RAD54L2: variants seen among roughly 807,000 people sequenced by gnomAD.
RAD54L2 encodes helicase ARIP4.
In RAD54L2, 27 loss-of-function variants were observed where a neutral mutation model predicts 138.4. That is an observed-to-expected ratio of 0.20 (90% CI 0.14 to 0.27). The LOEUF (loss-of-function observed/expected upper bound fraction) is 0.27. Ranked by LOEUF, RAD54L2 falls within the 10% of genes least tolerant of loss-of-function variation. The pLI is 1.00. For synonymous variants in RAD54L2, 644 were observed against 723.2 expected, an observed-to-expected ratio of 0.89 and a Z score of 1.76; for missense variants, 1,396 against 1,890.2, an observed-to-expected ratio of 0.74 and a Z score of 4.85.
intron 20 of RAD54L2, among the ~76,000 whole-genome samples, chr3:51,657,331 A>G (rs1377526500): frequency 6.6e-6 from 1 of 152,224 alleles, no homozygotes; most frequent in African/African-American, 2.4e-5. Context: ...CTAATTAAAT[A>G]AAGGGAAATT....
In RAD54L2 at chr3:51,662,514, G is replaced by A; in HGVS notation, c.3498G>A (p.Arg1166=). ...PKAPDPEGLA[R]PVSPDSPEII... ...CCCCCGACCCTGAGGGGCTGGCCAG[G>A]CCCGTCTCTCCTGACAGCCCAGAGA... The change falls in exon 23 of 23, where the codon AGG becomes AGA. Residue 1166 remains arginine, a synonymous_variant. Transcript: ENST00000684192. The surrounding 1 kb of genome is among the most constrained non-coding windows in gnomAD (Gnocchi z 4.6). 1 of 1,612,748 alleles carries A rather than the reference G, an allele frequency of 6.2e-7. No individual in the cohort carries two copies. Among genetic ancestry groups the A allele is most frequent in the Non-Finnish European group, 8.5e-7 (1 of 1,179,252 alleles).
chr3:51,560,741 A>G (rs1038788776), intron 2 of RAD54L2, among the ~76,000 whole-genome samples: 3 of 151,914 alleles, frequency 2.0e-5, no homozygotes, highest in Non-Finnish European at 4.4e-5. Flanking sequence ...CGCCTTCCAC[A>G]TTTCTTCCAG....
chr3:51,606,286 G>A (rs997679956), intron 3 of RAD54L2, among the ~76,000 whole-genome samples: 20 of 152,224 alleles, frequency 1.3e-4, no homozygotes, highest in African/African-American at 4.8e-4. Context: ...TGCATTGTGG[G>A]TTGGAGAGGA....
chr3:51,656,860 C>T (rs915944484), intron 20 of RAD54L2, among the ~76,000 whole-genome samples: 4 of 151,994 alleles, frequency 2.6e-5, no homozygotes, highest in African/African-American at 9.7e-5. Context: ...CTCAGCCTCC[C>T]GAGTTGCTGG....
chr3:51,616,410 A>G (rs1046761948), intron 3 of RAD54L2, among the ~76,000 whole-genome samples: 2 of 152,240 alleles, frequency 1.3e-5, no homozygotes, highest in African/African-American at 2.4e-5. Context: ...AACTTTAGCA[A>G]TATCGTAAGT....
At chr3:51,579,943 A>G (rs1354466013) in intron 2 of RAD54L2, among the ~76,000 whole-genome samples, 1 of 152,160 alleles carries the variant, frequency 6.6e-6, no homozygotes, top group Non-Finnish European at 1.5e-5. Context: ...AACACCAACA[A>G]TCACTTCTCC....
intron 19 of RAD54L2, among the ~76,000 whole-genome samples, chr3:51,651,329 G>A (rs550612647): frequency 4.6e-5 from 7 of 152,138 alleles, no homozygotes; most frequent in Non-Finnish European, 7.3e-5. Context: ...AGGACCAGAT[G>A]GATTCAGAGC....
At chr3:51,589,990 T>G (rs1351732280) in intron 2 of RAD54L2, among the ~76,000 whole-genome samples, 1 of 152,032 alleles carries the variant, frequency 6.6e-6, no homozygotes, top group African/African-American at 2.4e-5. Context: ...GTTCAGCATT[T>G]TTTTCTTTGT....
chr3:51,548,343 C>A (rs367806975), intron 2 of RAD54L2, among the ~76,000 whole-genome samples: 159 of 152,024 alleles, frequency 1.0e-3, no homozygotes, highest in South Asian at 3.5e-3. Flanking sequence ...CACCCGTCAT[C>A]ATGCCTGGCT....
At chr3:51,600,474 G>C (rs761899291) in intron 3 of RAD54L2, among the ~76,000 whole-genome samples, 41 of 151,928 alleles carry the variant, frequency 2.7e-4, no homozygotes, top group Non-Finnish European at 5.7e-4. Context: ...AATTATCCAG[G>C]CATGGTGTAC....
At chr3:51,574,902 T>C (rs1241423234) in intron 2 of RAD54L2, among the ~76,000 whole-genome samples, 1 of 152,246 alleles carries the variant, frequency 6.6e-6, no homozygotes, top group Non-Finnish European at 1.5e-5. Context: ...TTTGGTGTTT[T>C]AGTCATGAAA....
At chr3:51,619,517 A>G (rs1012512426) in intron 3 of RAD54L2, among the ~76,000 whole-genome samples, 1 of 150,634 alleles carries the variant, frequency 6.6e-6, no homozygotes, top group Non-Finnish European at 1.5e-5. Context: ...AGTTTCCTAT[A>G]ACATTTTCCT....
In RAD54L2 at chr3:51,635,602, A is replaced by G; in HGVS notation, c.1152A>G (p.Ala384=). The change falls in exon 10 of 23, where the codon GCA becomes GCG. Residue 384 remains alanine (A), a synonymous_variant. Transcript: ENST00000684192. Reference sequence around the variant, plus strand: ...TCTGTTCATCTTGCAGGACGATGGCATCTCGTGCTAAAGTGATGGCTGATT... The same window carrying G: ...TCTGTTCATCTTGCAGGACGATGGCGTCTCGTGCTAAAGTGATGGCTGATT... ...HILNDEHKTM[A]SRAKVMADWV... The G allele has an allele frequency of 6.2e-7, 1 of 1,602,514 alleles. No homozygotes were observed. Among genetic ancestry groups the G allele is most frequent in the Non-Finnish European group, 8.5e-7 (1 of 1,174,360 alleles).
rs549550738 is a variant in RAD54L2, at chr3:51,607,696, C to T, written c.139+17137C>T. 1.3e-3 allele frequency among the ~76,000 whole-genome samples: 190 copies of T among 145,290 alleles called. 3 individuals are homozygous for T. In the East Asian group the frequency reaches 0.037, roughly 28 times the overall value. ...AGACGGGGCGGCCGGGCAGAGGGGCCCCCCACCTCCCAGACGGGGCGGCGG... is the reference window on the plus strand; with the variant it reads ...AGACGGGGCGGCCGGGCAGAGGGGCTCCCCACCTCCCAGACGGGGCGGCGG... On this transcript the variant is annotated intron_variant, in intron 3 of 22. Transcript: ENST00000684192.
At chr3:51,565,472 G>T (rs1035270621) in intron 2 of RAD54L2, among the ~76,000 whole-genome samples, 1 of 152,100 alleles carries the variant, frequency 6.6e-6, no homozygotes, top group African/African-American at 2.4e-5. Context: ...AAATATAATA[G>T]ATTTTTATTT....
chr3:51,626,061 C>T (rs1700670554), intron 3 of RAD54L2, among the ~76,000 whole-genome samples: 1 of 151,788 alleles, frequency 6.6e-6, no homozygotes, highest in Non-Finnish European at 1.5e-5. Flanking sequence ...AACAATAAGC[C>T]ACCAGCCCTC....
At chr3:51,631,166 C>T (rs1325983549) in intron 7 of RAD54L2, among the ~76,000 whole-genome samples, 1 of 152,160 alleles carries the variant, frequency 6.6e-6, no homozygotes, top group East Asian at 1.9e-4. Context: ...TGCCCTACTC[C>T]GTAGAAAGCA....
chr3:51,583,603 T>C (rs900394772), intron 2 of RAD54L2, among the ~76,000 whole-genome samples: 2 of 150,240 alleles, frequency 1.3e-5, no homozygotes, highest in African/African-American at 4.9e-5. Flanking sequence ...TTTTTTTTTT[T>C]TTTAGTAGAG....
At chr3:51,590,682 T>C (rs549858621) in intron 3 of RAD54L2, 123 bp downstream of exon 3, 1 of 1,311,926 alleles carries the variant, frequency 7.6e-7, no homozygotes, top group East Asian at 2.5e-5. Context: ...AGATACAGAC[T>C]AGGAACTGAG....
Sources: allele counts gnomAD v4.1 joint callset (sites outside exome capture counted in the v4.1 genomes callset), GRCh38; gene constraint gnomAD v4.1.1; non-coding constraint Gnocchi (gnomAD v3.1); transcripts MANE v1.5; gene names NCBI Gene and HGNC (gene_info 2026-07-23, HGNC 2026-07-21).